REV3L: variants seen among roughly 807,000 people sequenced by gnomAD.
The protein encoded by REV3L is DNA polymerase zeta catalytic subunit.
In REV3L, 69 loss-of-function variants were observed where a neutral mutation model predicts 299.4. That is an observed-to-expected ratio of 0.23 (90% CI 0.19 to 0.28). The LOEUF is 0.28. REV3L is among the 10% of genes least tolerant of loss of function. The pLI is 1.00. For missense variants in REV3L, 3,128 were observed against 3,693.8 expected (o/e 0.85, Z 3.97); for synonymous variants, 1,238 against 1,271.4 (o/e 0.97, Z 0.56).
At chr6:111,455,610 A>G (rs1208250686) in intron 1 of REV3L, among the ~76,000 whole-genome samples, 1 of 152,220 alleles carries the variant, frequency 6.6e-6, no homozygotes, top group Non-Finnish European at 1.5e-5. Context: ...GATCCATGCA[A>G]AAATAATGAC....
intron 11 of REV3L, among the ~76,000 whole-genome samples, chr6:111,378,078 T>C (rs908372485): frequency 6.6e-6 from 1 of 152,230 alleles, no homozygotes; most frequent in African/African-American, 2.4e-5. Context: ...AGAGTTATTA[T>C]AATTAGACTT....
chr6:111,309,761 A>C, intron 30 of REV3L, 92 bp downstream of exon 30: 3 of 1,416,818 alleles, frequency 2.1e-6, no homozygotes, highest in Non-Finnish European at 2.9e-6. Context: ...CAGCACTCCC[A>C]TATCAATAGC....
rs545529672 is a variant in REV3L, at chr6:111,369,991, C to T, written c.5760-1963G>A. Reference sequence around the variant, plus strand: ...AGGATTACAGACTCATGCCACCATGCCCAGCTAATTTTTGTATTTTTAGTA... The same window carrying T: ...AGGATTACAGACTCATGCCACCATGTCCAGCTAATTTTTGTATTTTTAGTA... On this transcript the variant is annotated intron_variant, in intron 13 of 31. Coordinates refer to ENST00000368802, the MANE Select transcript of REV3L (RefSeq NM_001372078.1). Among the ~76,000 whole-genome samples the T allele has an allele frequency of 2.6e-5, 4 of 152,136 alleles. No homozygotes were observed. The East Asian group carries it at 7.7e-4, about 29-fold the overall frequency.
rs776828573 is a variant in REV3L, at chr6:111,329,607, C to T, written c.8166G>A (p.Leu2722=). ...TGACATTTGCTATCAGCTTAAGTCCCAACTGACGCGCATCAAGCATTCGTG... is the reference window on the plus strand; with the variant it reads ...TGACATTTGCTATCAGCTTAAGTCCTAACTGACGCGCATCAAGCATTCGTG... The part of the protein sequence containing the change: ...ALSRMLDARQ[L]GLKLIANVTF... The change falls in exon 25 of 32, where the codon TTG becomes TTA. Residue 2722 remains leucine (L), a synonymous_variant. Coordinates refer to ENST00000368802, the MANE Select transcript of REV3L (RefSeq NM_001372078.1). The T allele has an allele frequency of 1.2e-6, 2 of 1,614,126 alleles. No individual in the cohort carries two copies. Among genetic ancestry groups the T allele is most frequent in the Non-Finnish European group, 1.7e-6 (2 of 1,180,024 alleles).
intron 4 of REV3L, among the ~76,000 whole-genome samples, chr6:111,400,569 T>C (rs938875024): frequency 2.6e-5 from 4 of 152,236 alleles, no homozygotes; most frequent in African/African-American, 9.6e-5. Flanking sequence ...CTGTTTGCTT[T>C]CTTATTGTTG....
chr6:111,423,007 C>T (rs1278376155), intron 1 of REV3L, among the ~76,000 whole-genome samples: 3 of 151,930 alleles, frequency 2.0e-5, no homozygotes, highest in African/African-American at 2.4e-5. Flanking sequence ...TTTATTCATA[C>T]ATTTGTCTAA....
chr6:111,378,216 G>C (rs922488762), intron 11 of REV3L, among the ~76,000 whole-genome samples: 23 of 152,152 alleles, frequency 1.5e-4, no homozygotes, highest in African/African-American at 5.3e-4. Context: ...GAAGAAGAGA[G>C]AGGGTAATAG....
intron 21 of REV3L, among the ~76,000 whole-genome samples, chr6:111,338,609 A>G (rs1179434607): frequency 6.6e-6 from 1 of 151,604 alleles, no homozygotes; most frequent in African/African-American, 2.4e-5. Flanking sequence ...ATGTTATTTA[A>G]TGAAGTACAG....
At chr6:111,462,033 C>A (rs7764025) in intron 1 of REV3L, among the ~76,000 whole-genome samples, 238 of 152,102 alleles carry the variant, frequency 1.6e-3, no homozygotes, top group African/African-American at 5.5e-3. Flanking sequence ...CTATAAGAAA[C>A]CCATATTAAG....
chr6:111,416,445 C>T lies in REV3L; in HGVS notation c.167G>A (p.Gly56Asp), dbSNP rs1484930803. The T allele has an allele frequency of 9.9e-6, 16 of 1,613,010 alleles. No homozygotes were observed. The highest frequency in any genetic ancestry group is 1.4e-5 in the Non-Finnish European group (16 of 1,179,364). Residue 56 changes from glycine to aspartate, a missense_variant, in exon 2 of 32, where the codon GGC (glycine) becomes GAC (aspartate). This residue lies in a region of REV3L where 2,409 missense variants were observed against 2,611.8 expected (regional missense o/e 0.92). Transcript: ENST00000368802. ...AGQKTCLHLHGIFPYLYVPYD... is the reference protein window; with the variant it reads ...AGQKTCLHLHDIFPYLYVPYD... ...TGGCACATAGAGGTAAGGAAAGATG[C>T]CATGTAGATGAAGACATGTCTTCTG...
At chr6:111,431,189 C>A in intron 1 of REV3L, 1 of 1,566,172 alleles carries the variant, frequency 6.4e-7, no homozygotes, top group Non-Finnish European at 8.8e-7. Flanking sequence ...CAAGATTATC[C>A]ATCTGTGATG....
chr6:111,460,167 C>G (rs781334075), intron 1 of REV3L: 1 of 151,994 alleles, frequency 6.6e-6, no homozygotes, highest in East Asian at 1.9e-4. Flanking sequence ...AATGGAGAAA[C>G]AGAAAACCAA....
chr6:111,348,249 G>A (rs1455972206), intron 20 of REV3L, among the ~76,000 whole-genome samples: 3 of 152,080 alleles, frequency 2.0e-5, no homozygotes, highest in Non-Finnish European at 4.4e-5. Context: ...CACCATGTAT[G>A]GCTTTTTTAC....
At chr6:111,318,900 C>T (rs989367219) in intron 26 of REV3L, among the ~76,000 whole-genome samples, 8 of 151,922 alleles carry the variant, frequency 5.3e-5, no homozygotes, top group South Asian at 2.1e-4. Flanking sequence ...TATTTCTGTA[C>T]GGTTTTATAA....
chr6:111,359,659 T>C (rs1339641450), intron 16 of REV3L, among the ~76,000 whole-genome samples: 1 of 152,066 alleles, frequency 6.6e-6, no homozygotes, highest in Non-Finnish European at 1.5e-5. Flanking sequence ...TCTATGCCAA[T>C]ATAAACTTTT....
chr6:111,325,780 G>A lies in REV3L; in HGVS notation c.8242-3102C>T, dbSNP rs190670589. 1.1e-3 allele frequency among the ~76,000 whole-genome samples: 171 copies of A among 152,298 alleles called. 1 individual carries two copies. Among genetic ancestry groups the A allele is most frequent in the African/African-American group, 3.8e-3 (156 of 41,578 alleles). On this transcript the variant is annotated intron_variant, in intron 25 of 31. Coordinates refer to ENST00000368802, the MANE Select transcript of REV3L (RefSeq NM_001372078.1). ...AAGCATTTATCATTTATTTGTGTTA[G>A]ACATTTCAATTCCATTCTTTTAGTT...
intron 1 of REV3L, among the ~76,000 whole-genome samples, chr6:111,422,966 C>G (rs957104091): frequency 7.2e-5 from 11 of 151,756 alleles, no homozygotes; most frequent in Non-Finnish European, 1.0e-4. Flanking sequence ...GAAACTATAT[C>G]GCTGAAATAC....
At chr6:111,326,537 T>A (rs1185159012) in intron 25 of REV3L, among the ~76,000 whole-genome samples, 2 of 151,730 alleles carry the variant, frequency 1.3e-5, no homozygotes, top group African/African-American at 2.4e-5. Flanking sequence ...TGTAGAACAA[T>A]ATAGGATGCT....
intron 18 of REV3L, among the ~76,000 whole-genome samples, chr6:111,354,659 C>T (rs964926116): frequency 2.6e-5 from 4 of 152,110 alleles, no homozygotes; most frequent in African/African-American, 9.7e-5. Flanking sequence ...CATTTGGAGA[C>T]AATAACAAGG....
Sources: allele counts gnomAD v4.1 joint callset (sites outside exome capture counted in the v4.1 genomes callset), GRCh38; gene constraint gnomAD v4.1.1; regional missense constraint gnomAD v4.1.1; transcripts MANE v1.5; gene names NCBI Gene and HGNC (gene_info 2026-07-23, HGNC 2026-07-21).